Variants in ATP2C2 observed in about 807,000 individuals in gnomAD.
ATP2C2 encodes calcium-transporting ATPase type 2C member 2.
Under a neutral mutation model 110.8 loss-of-function variants are expected in ATP2C2, and 171 were observed. The ratio of observed to expected loss-of-function variants is 1.54; its 90% CI spans 1.36 to 1.75. The LOEUF (loss-of-function observed/expected upper bound fraction) is 1.75, where lower values mean the gene tolerates loss of function less well. ATP2C2 is among the 40% of genes most tolerant of loss of function. The pLI, the probability that ATP2C2 is intolerant of heterozygous loss-of-function variation, is 0.00. For synonymous variants in ATP2C2, 804 were observed against 508.4 expected (o/e 1.58, Z -7.82); for missense variants, 1,963 against 1,235.0 (o/e 1.59, Z -8.84).
intron 1 of ATP2C2, among the ~76,000 whole-genome samples, chr16:84,395,413 G>A (rs543901843): frequency 6.6e-6 from 1 of 151,842 alleles, no homozygotes; most frequent in Non-Finnish European, 1.5e-5. Flanking sequence ...AAAGGTTGGG[G>A]GCACATGCTA....
intron 17 of ATP2C2, among the ~76,000 whole-genome samples, chr16:84,449,811 T>G (rs1294345651): frequency 6.6e-6 from 1 of 152,242 alleles, no homozygotes; most frequent in Non-Finnish European, 1.5e-5. Flanking sequence ...TCTTGTCACA[T>G]CACGCCTCTG....
intron 2 of ATP2C2, among the ~76,000 whole-genome samples, chr16:84,399,341 C>T (rs1274706258): frequency 6.6e-6 from 1 of 152,190 alleles, no homozygotes; most frequent in African/African-American, 2.4e-5. Context: ...AGTATTTCTT[C>T]TCTGCCTGCA....
chr16:84,448,446 TTTGTAACC>T (rs1909958500), intron 16 of ATP2C2, 79 bp from the exon 17 acceptor site: 1 of 1,463,644 alleles, frequency 6.8e-7, no homozygotes, highest in Non-Finnish European at 9.2e-7. Flanking sequence ...CGTGTGTGTC[TTTGTAACC>T]TTGTGCAGAG....
chr16:84,413,264 T>A (rs1055847688), intron 6 of ATP2C2, among the ~76,000 whole-genome samples: 1 of 152,130 alleles, frequency 6.6e-6, no homozygotes, highest in East Asian at 1.9e-4. Flanking sequence ...CCCAGGCACA[T>A]GTTGTGCAAC....
At chr16:84,388,480 C>A (rs1181993341) in intron 1 of ATP2C2, among the ~76,000 whole-genome samples, 3 of 152,160 alleles carry the variant, frequency 2.0e-5, no homozygotes, top group Non-Finnish European at 4.4e-5. Flanking sequence ...CTAACAATTT[C>A]CAGGTGATGC....
chr16:84,461,933 C>A (rs1202963804), intron 25 of ATP2C2, 55 bp from the exon 26 acceptor site: 5 of 1,607,572 alleles, frequency 3.1e-6, no homozygotes, highest in Non-Finnish European at 4.3e-6. Context: ...AGCTCCCCTG[C>A]CTGTACCTGG....
chr16:84,448,426 C>T, intron 16 of ATP2C2, 107 bp from the exon 17 acceptor site: 2 of 1,368,394 alleles, frequency 1.5e-6, no homozygotes, highest in Non-Finnish European at 9.9e-7. Flanking sequence ...AACTCCGCTG[C>T]AAAGATCCCC....
intron 15 of ATP2C2, 117 bp from the exon 16 acceptor site, chr16:84,446,212 C>G (rs1434090751): frequency 2.1e-5 from 10 of 487,280 alleles, no homozygotes; most frequent in East Asian, 3.6e-5. Flanking sequence ...GTGCTAAATG[C>G]TTGGATTTCT....
rs114789010 is a variant in ATP2C2, at chr16:84,390,236, G to C, written c.100-8263G>C. ...CCGAATCCCGGGGCTGGACGGGAGG[G>C]CGCCACAGCGGGGCTGGACTGAGGG... On this transcript the variant is annotated intron_variant, in intron 1 of 26. Coordinates refer to ENST00000262429, the MANE Select transcript of ATP2C2 (RefSeq NM_014861.4). 8.6e-3 allele frequency among the ~76,000 whole-genome samples: 1,311 copies of C among 152,290 alleles called. 20 individuals are homozygous for C. The highest frequency in any genetic ancestry group is 0.03 in the African/African-American group (1,262 of 41,560).
At chr16:84,422,032 T>C (rs1373739428) in intron 7 of ATP2C2, among the ~76,000 whole-genome samples, 2 of 152,160 alleles carry the variant, frequency 1.3e-5, no homozygotes. Context: ...GTGGGAACCA[T>C]ACAGATTGTA....
Position 84,410,721 on chromosome 16 carries a change from A to G in ATP2C2, c.471A>G (p.Lys157=). ...VAFIQEYRSE[K]SLEELTKLVP... Reference sequence around the variant, plus strand: ...CCTGCCAGGAGTACAGGTCGGAGAAATCTCTGGAAGAGCTGACCAAGCTGG... The same window carrying G: ...CCTGCCAGGAGTACAGGTCGGAGAAGTCTCTGGAAGAGCTGACCAAGCTGG... The change falls in exon 6 of 27, where the codon AAA becomes AAG. Residue 157 remains lysine, a synonymous_variant. Coordinates refer to ENST00000262429, the MANE Select transcript of ATP2C2 (RefSeq NM_014861.4). 6.2e-7 allele frequency: 1 copy of G among 1,614,162 alleles called. No homozygotes were observed. Among genetic ancestry groups the G allele is most frequent in the Non-Finnish European group, 8.5e-7 (1 of 1,180,012 alleles).
At chr16:84,372,139 G>A (rs1369268381) in intron 1 of ATP2C2, among the ~76,000 whole-genome samples, 24 of 152,180 alleles carry the variant, frequency 1.6e-4, no homozygotes. Flanking sequence ...TTGTCAGAGT[G>A]TGGGCTTTAT....
Position 84,454,805 on chromosome 16 carries a change from G to C in ATP2C2, c.1981-13G>C, listed in dbSNP as rs373755993. ...GTCAGGCTGCAGGCCTTCATTGCCT[G>C]CTCTTTCCAAAGGCTCTGCAGGAGT... On this transcript the variant is annotated splice_polypyrimidine_tract_variant and intron_variant, in intron 20 of 26. Transcript: ENST00000262429. 1.3e-6 allele frequency: 2 copies of C among 1,574,738 alleles called. No individual in the cohort carries two copies. Among genetic ancestry groups the C allele is most frequent in the African/African-American group, 1.4e-5 (1 of 73,014 alleles).
intron 1 of ATP2C2, among the ~76,000 whole-genome samples, chr16:84,371,075 G>A (rs142471217): frequency 1.3e-5 from 2 of 152,174 alleles, no homozygotes; most frequent in African/African-American, 4.8e-5. Context: ...ACTGGGAGAT[G>A]CTTTATTTGA....
intron 1 of ATP2C2, among the ~76,000 whole-genome samples, chr16:84,398,156 C>G (rs901001157): frequency 2.6e-5 from 4 of 151,912 alleles, no homozygotes; most frequent in Non-Finnish European, 5.9e-5. Context: ...AATCCCAGCA[C>G]TTTGGGAGGC....
chr16:84,446,255 T>G (rs1435916186), intron 15 of ATP2C2, 74 bp from the exon 16 acceptor site: 9 of 852,654 alleles, frequency 1.1e-5, no homozygotes, highest in East Asian at 6.0e-5. Flanking sequence ...CAATGAATAA[T>G]TTAAATGGAC....
Position 84,422,686 on chromosome 16 carries a change from C to A in ATP2C2, c.832C>A (p.Gln278Lys). 1 of 1,612,526 alleles carries A rather than the reference C, an allele frequency of 6.2e-7. No individual in the cohort carries two copies. Among genetic ancestry groups the A allele is most frequent in the South Asian group, 1.1e-5 (1 of 90,860 alleles). Residue 278 changes from glutamine to lysine, a missense_variant, in exon 9 of 27, where the codon CAG becomes AAG. Transcript: ENST00000262429. ...SQFGEVFKMMQAEETPKTPLQ... is the reference protein window; with the variant it reads ...SQFGEVFKMMKAEETPKTPLQ... The stretch of plus-strand genomic sequence containing the variant: ...GTTCGGAGAAGTGTTTAAGATGATG[C>A]AGGCTGAAGAGGTAAGGGGCAGGAG...
At chr16:84,383,637 C>T (rs950292850) in intron 1 of ATP2C2, among the ~76,000 whole-genome samples, 3 of 152,228 alleles carry the variant, frequency 2.0e-5, no homozygotes, top group East Asian at 1.9e-4. Context: ...CTCTCAGCAT[C>T]GTCAGTACAT....
chr16:84,370,872 T>A (rs1909915376), intron 1 of ATP2C2, among the ~76,000 whole-genome samples: 1 of 152,142 alleles, frequency 6.6e-6, no homozygotes, highest in Admixed American at 6.5e-5. Context: ...GAACTTGCTG[T>A]GTCTTCTCTT....
Sources: allele counts gnomAD v4.1 joint callset (sites outside exome capture counted in the v4.1 genomes callset), GRCh38; gene constraint gnomAD v4.1.1; transcripts MANE v1.5; gene names NCBI Gene and HGNC (gene_info 2026-07-23, HGNC 2026-07-21).